ITIH1: variants seen among roughly 807,000 people sequenced by gnomAD.
The protein encoded by ITIH1 is inter-alpha-trypsin inhibitor heavy chain 1.
A neutral mutation model predicts 104.6 loss-of-function variants in ITIH1; 94 were observed. That is an observed-to-expected ratio of 0.90 (90% confidence interval 0.76 to 1.07). ITIH1 has a LOEUF of 1.07. Ranked by LOEUF, ITIH1 falls within the 50% of genes least tolerant of loss-of-function variation. The pLI, the probability that ITIH1 is intolerant of heterozygous loss-of-function variation, is 0.00. For missense variants in ITIH1, 1,193 were observed against 1,181.4 expected, an observed-to-expected ratio of 1.01 and a Z score of -0.14; for synonymous variants, 455 against 464.4, an observed-to-expected ratio of 0.98 and a Z score of 0.26.
chr3:52,780,194 G>A, intron 5 of ITIH1, 75 bp from the exon 6 acceptor site: 1 of 1,263,430 alleles, frequency 7.9e-7, no homozygotes, highest in South Asian at 1.4e-5. Context: ...GAGCCCAGGA[G>A]TTTGAGGCCA....
chr3:52,790,500 TCAC>T (rs1270635064), intron 19 of ITIH1: 2 of 449,070 alleles, frequency 4.5e-6, no homozygotes. Flanking sequence ...GCCTGGGACT[TCAC>T]AGGCTCGGAG....
At chr3:52,778,890 C>A in intron 3 of ITIH1, 52 bp from the exon 4 acceptor site, 3 of 1,349,314 alleles carry the variant, frequency 2.2e-6, no homozygotes, top group South Asian at 1.2e-5. Flanking sequence ...CTCTCAGGAC[C>A]TGTGTGGTCA....
chr3:52,783,367 G>A, intron 10 of ITIH1, 28 bp downstream of exon 10: 3 of 1,609,644 alleles, frequency 1.9e-6, no homozygotes. Context: ...TGCCTTGGGA[G>A]GTAGTGATCT....
At chr3:52,786,212 A>G in intron 12 of ITIH1, 83 bp from the exon 13 acceptor site, 4 of 1,398,250 alleles carry the variant, frequency 2.9e-6, no homozygotes, top group Non-Finnish European at 3.9e-6. Flanking sequence ...TACCAGACGA[A>G]ATGGGCCCCT....
chr3:52,781,844 C>A, intron 6 of ITIH1, 96 bp from the exon 7 acceptor site: 2 of 1,489,652 alleles, frequency 1.3e-6, no homozygotes, highest in Non-Finnish European at 1.8e-6. Flanking sequence ...TGCAAACACA[C>A]ACACACACAC....
chr3:52,778,484 G>T lies in ITIH1; in HGVS notation c.283G>T (p.Ala95Ser). Residue 95 changes from alanine (A) to serine (S), a missense_variant, in exon 3 of 22, where the codon GCA becomes TCA. Transcript: ENST00000273283. ...CTTCGACCTGGAAATCCCCAAGACA[G>T]CATTCATCAGTGACTTTGCCGTGTG... is the stretch of plus-strand genomic sequence containing the variant. ...VAFDLEIPKT[A>S]FISDFAVTAD... 6.2e-7 allele frequency: 1 copy of T among 1,614,262 alleles called. No homozygotes were observed. Among genetic ancestry groups the T allele is most frequent in the Non-Finnish European group, 8.5e-7 (1 of 1,180,042 alleles).
At chr3:52,782,922 GC>G in intron 8 of ITIH1, 34 bp from the exon 9 acceptor site, 1 of 1,610,212 alleles carries the variant, frequency 6.2e-7, no homozygotes, top group Non-Finnish European at 8.5e-7. Context: ...CCACCCTGGG[GC>G]CCTGTCTGTC....
chr3:52,783,258 A>G lies in ITIH1; in HGVS notation c.1144A>G (p.Asn382Asp). The change falls in exon 10 of 22, where the codon AAC (asparagine) becomes GAC (aspartate). Residue 382 changes from asparagine to aspartate, a missense_variant. Physicochemically the swap from Asn to Asp is conservative, Grantham distance 23. Transcript: ENST00000273283. ...GGLLRGIEIL[N>D]QVQESLPELS... ...TTTGCTCCGGGGAATTGAGATCTTG[A>G]ACCAAGTTCAGGAAAGCCTCCCAGA... 6.2e-7 allele frequency: 1 copy of G among 1,614,142 alleles called. No homozygotes were observed. The highest frequency in any genetic ancestry group is 8.5e-7 in the Non-Finnish European group (1 of 1,180,032).
Position 52,782,169 on chromosome 3 carries a change from G to T in ITIH1, c.832G>T (p.Ala278Ser), listed in dbSNP as rs1699075704. 1.9e-6 allele frequency: 3 copies of T among 1,614,040 alleles called. No individual in the cohort carries two copies. The highest frequency in any genetic ancestry group is 4.5e-5 in the East Asian group (2 of 44,894). ...CDLLVANNHF[A>S]HFFAPQNLTN... ...ATTTCAGGTGGCCAATAACCACTTT[G>T]CCCACTTCTTTGCCCCCCAAAACCT... Residue 278 changes from alanine (A) to serine (S), a missense_variant, in exon 8 of 22, where the codon GCC (alanine) becomes TCC (serine). By Grantham distance (99) the Ala-to-Ser change is moderately conservative. Coordinates refer to ENST00000273283, the MANE Select transcript of ITIH1 (RefSeq NM_002215.4).
At position 52,778,016 on chromosome 3, in the gene ITIH1, C is replaced by T. The variant is rs1388034274; in HGVS notation, c.137C>T (p.Thr46Ile). 3.1e-6 allele frequency: 5 copies of T among 1,614,102 alleles called. No individual in the cohort carries two copies. The highest frequency in any genetic ancestry group is 4.2e-6 in the Non-Finnish European group (5 of 1,180,044). The change falls in exon 2 of 22, where the codon ACC becomes ATC. Residue 46 changes from threonine to isoleucine, a missense_variant and splice_region_variant. Thr to Ile is a moderately conservative substitution (Grantham distance 89). Transcript: ENST00000273283. The part of the protein sequence containing the change: ...KSSEKRQAVD[T>I]AVDGVFIRSL... ...TTGCAGAAGCGACAGGCTGTGGACA[C>T]CGTGAGTAAGAGTCCTGGCAAAGGG...
chr3:52,785,814 C>T (rs1042764931), intron 12 of ITIH1, among the ~76,000 whole-genome samples: 5 of 152,208 alleles, frequency 3.3e-5, no homozygotes, highest in East Asian at 1.9e-4. Context: ...TTTTCTGTAC[C>T]ATACTGCATC....
In ITIH1 at chr3:52,780,255, C is replaced by A. The variant is rs574084129; in HGVS notation, c.574-14C>A. ...TCTTTTTTTTTAAAAAAATAATTTG[C>A]TTCAATGTTGCAGATTGATGTGGAC... On this transcript the variant is annotated splice_polypyrimidine_tract_variant and intron_variant, in intron 5 of 21. Coordinates refer to ENST00000273283, the MANE Select transcript of ITIH1 (RefSeq NM_002215.4). 5.1e-6 allele frequency: 8 copies of A among 1,579,598 alleles called. No individual in the cohort carries two copies. The highest frequency in any genetic ancestry group is 6.9e-6 in the Non-Finnish European group (8 of 1,153,260).
At chr3:52,785,415 T>C (rs1218868028) in intron 12 of ITIH1, among the ~76,000 whole-genome samples, 186 bp downstream of exon 12, 1 of 152,196 alleles carries the variant, frequency 6.6e-6, no homozygotes, top group African/African-American at 2.4e-5. Context: ...GGGGGCTGGA[T>C]TGGCTGGAAT....
Position 52,783,339 on chromosome 3 carries a change from GGTAAGC to G in ITIH1, c.1225+1_1225+6del. ...GTTGACAGATGGCGATCCCACAGAGGGTAAGCACCTTGGGGGCTGCCTTGGGAGGTA... is the reference window on the plus strand; with the variant it reads ...GTTGACAGATGGCGATCCCACAGAGGACCTTGGGGGCTGCCTTGGGAGGTA... On this transcript the variant is annotated splice_donor_variant and splice_donor_5th_base_variant and intron_variant, in intron 10 of 21. Coordinates refer to ENST00000273283, the MANE Select transcript of ITIH1 (RefSeq NM_002215.4). LOFTEE classifies it high-confidence loss of function. The G allele has an allele frequency of 6.2e-7, 1 of 1,613,772 alleles. No homozygotes were observed. The highest frequency in any genetic ancestry group is 8.5e-7 in the Non-Finnish European group (1 of 1,179,970).
At chr3:52,785,296 T>C in intron 12 of ITIH1, 67 bp downstream of exon 12, 2 of 1,500,446 alleles carry the variant, frequency 1.3e-6, no homozygotes, top group South Asian at 2.4e-5. Flanking sequence ...CCCACACTGT[T>C]CCCCATTCCT....
In ITIH1 at chr3:52,788,038, C is replaced by G. The variant is rs142758729; in HGVS notation, c.1977C>G (p.Thr659=). 141 of 1,610,674 alleles carry G rather than the reference C, an allele frequency of 8.8e-5. No homozygotes were observed. Among genetic ancestry groups the G allele is most frequent in the Non-Finnish European group, 1.1e-4 (132 of 1,178,212 alleles). Residue 659 remains threonine (T), a synonymous_variant, in exon 17 of 22, where the codon ACC becomes ACG. Coordinates refer to ENST00000273283, the MANE Select transcript of ITIH1 (RefSeq NM_002215.4). The part of the protein sequence containing the change: ...QPSPTHSSSN[T]QRLPDRVTGV... The stretch of plus-strand genomic sequence containing the variant: ...CTCCTACTCATTCCAGCTCCAATAC[C>G]CAGCGGCTGCCAGACCGAGTGACCG...
rs551151316 is a variant in ITIH1, at chr3:52,784,098, G to A, written c.1226-198G>A. On this transcript the variant is annotated intron_variant, in intron 10 of 21. Coordinates refer to ENST00000273283, the MANE Select transcript of ITIH1 (RefSeq NM_002215.4). ...TGGTGATGGACCCACCTAGATGGGC[G>A]GGGTCTGTGAGGAGCTGTTGATAGC... is the stretch of plus-strand genomic sequence containing the variant. Among the ~76,000 whole-genome samples, 10 of 152,250 alleles carry A rather than the reference G, an allele frequency of 6.6e-5. No individual in the cohort carries two copies. In the South Asian group the frequency reaches 1.7e-3, roughly 25 times the overall value.
chr3:52,789,508 G>C, intron 18 of ITIH1, 145 bp from the exon 19 acceptor site: 1 of 685,544 alleles, frequency 1.5e-6, no homozygotes, highest in Non-Finnish European at 2.6e-6. Flanking sequence ...TGCGGGACCA[G>C]ACCTGGAGAC....
In ITIH1 at chr3:52,791,988, G is replaced by A. The variant is rs1699373996; in HGVS notation, c.*77G>A. ...GACGACATCCTGACCTGCTGCTGAG[G>A]CTGTACCTCCTTGACTAAGCTGGTT... On this transcript the variant is annotated 3_prime_UTR_variant, in exon 22 of 22. Transcript: ENST00000273283. 3.4e-6 allele frequency: 5 copies of A among 1,483,848 alleles called. No homozygotes were observed. The highest frequency in any genetic ancestry group is 2.6e-5 in the South Asian group (2 of 78,414). 91.9% of individuals were successfully genotyped at this position (1,483,848 alleles called of 1,614,324 possible).
Sources: allele counts gnomAD v4.1 joint callset (sites outside exome capture counted in the v4.1 genomes callset), GRCh38; gene constraint gnomAD v4.1.1; transcripts MANE v1.5; gene names NCBI Gene and HGNC (gene_info 2026-07-23, HGNC 2026-07-21).